ACTR3C: variants seen among roughly 807,000 people sequenced by gnomAD.
ACTR3C encodes the protein actin-related protein 3C.
In ACTR3C, 18 loss-of-function variants were observed where a neutral mutation model predicts 26.3. The ratio of observed to expected loss-of-function variants is 0.68; its 90% CI spans 0.47 to 1.01. The LOEUF is 1.01. Ranked by LOEUF, ACTR3C falls within the 50% of genes least tolerant of loss-of-function variation. The pLI is 0.00. For missense variants in ACTR3C, 184 were observed against 250.7 expected (o/e 0.73, Z 1.80); for synonymous variants, 55 against 94.5 (o/e 0.58, Z 2.42).
At chr7:149,971,436 C>G in the ACTR3C span, among the ~76,000 whole-genome samples, 1 of 152,180 alleles carries the variant, frequency 6.6e-6, no homozygotes, top group Non-Finnish European at 1.5e-5. Flanking sequence ...AGGTGCATTG[C>G]TCTTTAGTGG....
chr7:149,895,589 A>T, the ACTR3C span, among the ~76,000 whole-genome samples: 1 of 152,132 alleles, frequency 6.6e-6, no homozygotes, highest in African/African-American at 2.4e-5. Context: ...AATCCCAGAG[A>T]CTCACGAGGC....
At chr7:150,169,493 G>A in the ACTR3C span, among the ~76,000 whole-genome samples, 2 of 149,562 alleles carry the variant, frequency 1.3e-5, no homozygotes, top group African/African-American at 5.1e-5. Context: ...CAGGAAGAAA[G>A]AATTCAGCAA....
At chr7:150,048,797 G>A in the ACTR3C span, among the ~76,000 whole-genome samples, 700 of 152,274 alleles carry the variant, frequency 4.6e-3, 2 homozygotes, top group African/African-American at 0.016. Context: ...GGACGACGCT[G>A]GTGAGGAGGC....
At chr7:150,145,221 G>A in the ACTR3C span, among the ~76,000 whole-genome samples, 352 of 152,238 alleles carry the variant, frequency 2.3e-3, 5 homozygotes, top group Middle Eastern at 0.031. Flanking sequence ...AAACCTGTGA[G>A]ACACATGGAG....
chr7:150,305,836 G>A (rs1360523497), intron 1 of ACTR3C, among the ~76,000 whole-genome samples: 3 of 152,072 alleles, frequency 2.0e-5, no homozygotes, highest in African/African-American at 2.4e-5. Context: ...GACTGGGCAC[G>A]GCCATCAGAA....
intron 4 of ACTR3C, among the ~76,000 whole-genome samples, chr7:150,289,105 G>A (rs4607524): frequency 4.0e-5 from 6 of 151,854 alleles, no homozygotes; most frequent in African/African-American, 7.3e-5. Context: ...TGCTGTGGTC[G>A]CCTCCTGATT....
the ACTR3C span, among the ~76,000 whole-genome samples, chr7:150,034,472 G>A: frequency 1.3e-5 from 2 of 149,244 alleles, no homozygotes; most frequent in African/African-American, 2.5e-5. Context: ...AAACTTCCAT[G>A]TCCCCGCCCC....
chr7:150,293,156 GC>G (rs1174704169), intron 3 of ACTR3C, among the ~76,000 whole-genome samples, 155 bp downstream of exon 3: 15 of 150,848 alleles, frequency 9.9e-5, no homozygotes, highest in African/African-American at 3.7e-4. Flanking sequence ...ATATAAGGTG[GC>G]AAAAAATAAA....
At chr7:150,090,314 G>T in the ACTR3C span, among the ~76,000 whole-genome samples, 3 of 152,044 alleles carry the variant, frequency 2.0e-5, no homozygotes, top group Non-Finnish European at 4.4e-5. Flanking sequence ...TTTGCAACAT[G>T]CCAGAGCCCT....
chr7:150,078,185 C>T, the ACTR3C span, among the ~76,000 whole-genome samples: 1 of 152,202 alleles, frequency 6.6e-6, no homozygotes, highest in African/African-American at 2.4e-5. Flanking sequence ...TGATGCTTCA[C>T]ATCTTTCGCA....
chr7:150,132,518 C>T, the ACTR3C span, among the ~76,000 whole-genome samples: 1 of 152,158 alleles, frequency 6.6e-6, no homozygotes, highest in Non-Finnish European at 1.5e-5. Context: ...GAACATCACT[C>T]ATCATCAGGG....
At chr7:149,993,320 G>A in the ACTR3C span, among the ~76,000 whole-genome samples, 3 of 152,112 alleles carry the variant, frequency 2.0e-5, no homozygotes, top group Non-Finnish European at 4.4e-5. Context: ...AGAGCGGGGA[G>A]CTGGCCAGTG....
the ACTR3C span, among the ~76,000 whole-genome samples, chr7:150,037,503 G>T: frequency 1.8e-5 from 1 of 56,050 alleles, no homozygotes; most frequent in Non-Finnish European, 4.1e-5. Context: ...GGGGGTGGAA[G>T]AGGGGATAGC....
the ACTR3C span, among the ~76,000 whole-genome samples, chr7:149,883,924 G>C: frequency 1.3e-5 from 2 of 151,540 alleles, no homozygotes; most frequent in East Asian, 2.0e-4. Flanking sequence ...GAACTGTTTC[G>C]TACCTCAGCA....
At chr7:150,003,888 G>T in the ACTR3C span, among the ~76,000 whole-genome samples, 1 of 16,648 alleles carries the variant, frequency 6.0e-5, no homozygotes, top group Non-Finnish European at 1.4e-4. Context: ...GTTATGGGGT[G>T]TGTGTGGTGT....
At chr7:149,990,995 T>G in the ACTR3C span, among the ~76,000 whole-genome samples, 1 of 152,264 alleles carries the variant, frequency 6.6e-6, no homozygotes, top group East Asian at 1.9e-4. Flanking sequence ...TCTGTTCTCA[T>G]GCTGCTAATA....
chr7:149,890,525 A>C, the ACTR3C span, among the ~76,000 whole-genome samples: 1 of 150,406 alleles, frequency 6.6e-6, no homozygotes, highest in Non-Finnish European at 1.5e-5. Context: ...AGTGGCAATA[A>C]TTACAATCAT....
chr7:150,066,672 T>A, the ACTR3C span, among the ~76,000 whole-genome samples: 3 of 152,218 alleles, frequency 2.0e-5, no homozygotes, highest in African/African-American at 7.2e-5. Context: ...AGTAAAATCA[T>A]CTCAATGAGC....
At chr7:150,270,668 C>A (rs564544520) in intron 6 of ACTR3C, among the ~76,000 whole-genome samples, 1 of 152,176 alleles carries the variant, frequency 6.6e-6, no homozygotes, top group East Asian at 1.9e-4. Context: ...CCAGTCCACA[C>A]TGCCTCCCTT....
Sources: gnomAD v4.1 joint callset for allele counts (sites outside exome capture counted in the v4.1 genomes callset) on GRCh38, gnomAD v4.1.1 for gene constraint, MANE v1.5 for transcripts, NCBI Gene and HGNC (gene_info 2026-07-23, HGNC 2026-07-21) for gene names.